ARL10: variants seen among roughly 807,000 people sequenced by gnomAD.
ARL10 encodes ADP-ribosylation factor-like protein 10.
Under a neutral mutation model 26.1 loss-of-function variants are expected in ARL10, and 23 were observed. The ratio of observed to expected loss-of-function variants is 0.88; its 90% confidence interval spans 0.63 to 1.25. The LOEUF (loss-of-function observed/expected upper bound fraction) is 1.25, where lower values mean the gene tolerates loss of function less well. ARL10 is among the 50% of genes most tolerant of loss of function. The pLI is 0.00. For missense variants in ARL10, 300 were observed against 323.6 expected (o/e 0.93, Z 0.56); for synonymous variants, 138 against 149.1 (o/e 0.93, Z 0.54).
exon 2 of ARL10, chr5:176,388,607 C>T (rs1477271624): frequency 2.0e-6 from 3 of 1,474,636 alleles, no homozygotes; most frequent in Middle Eastern, 2.1e-4. Flanking sequence ...GTAACAAACT[C>T]CTTCCGGAAG....
chr5:176,384,491 CAA>C, downstream of ARL10: 1 of 1,038,180 alleles, frequency 9.6e-7, no homozygotes, highest in Non-Finnish European at 1.4e-6. Flanking sequence ...ATCCTGACCT[CAA>C]AGGCTGTGGT....
downstream of ARL10, chr5:176,405,461 C>G (rs1265829079): frequency 2.1e-5 from 3 of 140,642 alleles, no homozygotes; most frequent in Non-Finnish European, 3.0e-5. Flanking sequence ...GCACTCCAGT[C>G]TCAACTACAG....
downstream of ARL10, among the ~76,000 whole-genome samples, chr5:176,390,523 G>C (rs1213661251): frequency 6.6e-6 from 1 of 152,110 alleles, no homozygotes; most frequent in South Asian, 2.1e-4. Context: ...TCCGCCTCCC[G>C]GGCTCAAGCA....
intron 1 of ARL10, among the ~76,000 whole-genome samples, chr5:176,398,223 C>T (rs1478897323): frequency 6.6e-6 from 1 of 152,198 alleles, no homozygotes; most frequent in African/African-American, 2.4e-5. Flanking sequence ...CAGCAACACT[C>T]CGCCACCTGT....
At chr5:176,383,800 G>T, downstream of ARL10, 2 of 611,024 alleles carry the variant, frequency 3.3e-6, no homozygotes, top group Non-Finnish European at 5.7e-6. Context: ...CCATCGGGAT[G>T]AGGCCAGAGG....
chr5:176,382,991 C>T (rs1008582838), downstream of ARL10, among the ~76,000 whole-genome samples: 5 of 152,156 alleles, frequency 3.3e-5, no homozygotes, highest in Non-Finnish European at 7.4e-5. Context: ...CTGGAGTCTA[C>T]GGCTGGCTCC....
downstream of ARL10, among the ~76,000 whole-genome samples, chr5:176,382,348 A>G (rs764009726): frequency 2.0e-5 from 3 of 152,198 alleles, no homozygotes; most frequent in African/African-American, 4.8e-5. Flanking sequence ...AACAGCTGCC[A>G]ACCTAGCTGA....
intron 1 of ARL10, among the ~76,000 whole-genome samples, chr5:176,394,847 T>C (rs966935745): frequency 7.3e-5 from 11 of 151,690 alleles, no homozygotes; most frequent in Non-Finnish European, 1.5e-4. Context: ...AGCCCTGGTC[T>C]ATACTCTCTC....
At chr5:176,392,179 C>T (rs904936308), downstream of ARL10, among the ~76,000 whole-genome samples, 10 of 152,210 alleles carry the variant, frequency 6.6e-5, no homozygotes, top group African/African-American at 7.2e-5. The surrounding 1 kb of genome is among the most constrained non-coding windows in gnomAD (Gnocchi z 5.2). Flanking sequence ...CCTCTGGTCT[C>T]GCTTTTCCCT....
chr5:176,384,199 C>G (rs765565241), downstream of ARL10: 2 of 1,614,150 alleles, frequency 1.2e-6, no homozygotes, highest in Admixed American at 1.7e-5. Flanking sequence ...CCGGGGGACG[C>G]CTCAGCCTGG....
Position 176,372,142 on chromosome 5 carries a change from C to A in ARL10, c.*247C>A. 1 of 1,309,506 alleles carries A rather than the reference C, an allele frequency of 7.6e-7. No individual in the cohort carries two copies. The highest frequency in any genetic ancestry group is 9.9e-7 in the Non-Finnish European group (1 of 1,006,112). The allele number at this position is 1,309,506 out of a possible 1,614,324, so 81.1% of individuals were successfully genotyped here. On this transcript the variant is annotated 3_prime_UTR_variant, in exon 4 of 4. Transcript: ENST00000310389. ...TGGGGAGGATAGTGTCTGGCTCATTCCAGGCTGGAATGTGGATCCAGCTTT... is the reference window on the plus strand; with the variant it reads ...TGGGGAGGATAGTGTCTGGCTCATTACAGGCTGGAATGTGGATCCAGCTTT...
intron 2 of ARL10, among the ~76,000 whole-genome samples, chr5:176,367,000 GTCTTT>G (rs1179282007): frequency 7.2e-6 from 1 of 139,822 alleles, no homozygotes; most frequent in Non-Finnish European, 1.5e-5. Context: ...CACCTTTCTA[GTCTTT>G]TTTTTTTTTT....
downstream of ARL10, chr5:176,389,111 G>T: frequency 8.1e-7 from 1 of 1,239,900 alleles, no homozygotes; most frequent in Non-Finnish European, 1.1e-6. Flanking sequence ...GCGGTGAGGG[G>T]CGAAACTGAT....
chr5:176,410,172 G>T, the ARL10 span: 1 of 1,172,584 alleles, frequency 8.5e-7, no homozygotes, highest in Non-Finnish European at 1.3e-6. Context: ...AGAACCTGGA[G>T]CTGTAAGCCT....
chr5:176,383,662 G>GC (rs1321733419), downstream of ARL10, among the ~76,000 whole-genome samples: 1 of 152,240 alleles, frequency 6.6e-6, no homozygotes, highest in Non-Finnish European at 1.5e-5. Context: ...TCAGGCTAGG[G>GC]CCCCACCAGC....
intron 3 of ARL10, among the ~76,000 whole-genome samples, chr5:176,371,342 C>T (rs1768533652): frequency 6.6e-6 from 1 of 152,186 alleles, no homozygotes; most frequent in African/African-American, 2.4e-5. Context: ...AAGATCGTGC[C>T]ACTGCACTCC....
At chr5:176,413,290 G>A in the ARL10 span, among the ~76,000 whole-genome samples, 1 of 152,236 alleles carries the variant, frequency 6.6e-6, no homozygotes, top group Non-Finnish European at 1.5e-5. Flanking sequence ...AGGGCAGAGA[G>A]GGTCCAGAAC....
downstream of ARL10, chr5:176,389,211 C>G: frequency 7.8e-7 from 1 of 1,282,664 alleles, no homozygotes; most frequent in Non-Finnish European, 1.1e-6. Context: ...TCGACCTACC[C>G]TCGCCGCCCT....
chr5:176,411,685 G>A, the ARL10 span, among the ~76,000 whole-genome samples: 7 of 152,108 alleles, frequency 4.6e-5, no homozygotes, highest in African/African-American at 1.2e-4. Flanking sequence ...ACAGTCCCTG[G>A]AACATAACAA....
Sources: allele counts gnomAD v4.1 joint callset (sites outside exome capture counted in the v4.1 genomes callset), GRCh38; gene constraint gnomAD v4.1.1; non-coding constraint Gnocchi (gnomAD v3.1); transcripts MANE v1.5; gene names NCBI Gene and HGNC (gene_info 2026-07-23, HGNC 2026-07-21).